The following DTNB variants were observed in gnomAD, a reference collection of about 807,000 sequenced individuals.
DTNB encodes the protein DTN-B.
A neutral mutation model predicts 90.7 loss-of-function variants in DTNB; 63 were observed. The observed-to-expected ratio is 0.69, with a 90% CI of 0.57 to 0.86. The LOEUF is 0.86. Ranked by LOEUF, DTNB falls within the 40% of genes least tolerant of loss-of-function variation. DTNB has a pLI of 0.00. For synonymous variants in DTNB, 277 were observed against 286.7 expected, an observed-to-expected ratio of 0.97 and a Z score of 0.34; for missense variants, 744 against 807.1, an observed-to-expected ratio of 0.92 and a Z score of 0.95.
At chr2:25,643,442 C>T (rs569229670) in intron 2 of DTNB, among the ~76,000 whole-genome samples, 3 of 152,280 alleles carry the variant, frequency 2.0e-5, no homozygotes, top group Admixed American at 1.3e-4. Flanking sequence ...AAAACTAGCA[C>T]CTGAAATAGT....
Position 25,668,509 on chromosome 2 carries a change from G to A in DTNB, c.-2+4877C>T, listed in dbSNP as rs141182881. 3.5e-3 allele frequency among the ~76,000 whole-genome samples: 536 copies of A among 152,272 alleles called. 3 individuals carry two copies. The highest frequency in any genetic ancestry group is 0.012 in the African/African-American group (509 of 41,552). On this transcript the variant is annotated intron_variant, in intron 1 of 20. Coordinates refer to ENST00000406818, the MANE Select transcript of DTNB (RefSeq NM_021907.5). ...CCATGTAAATGATACATGACATTAC[G>A]CACTTGTCAAAACCCATAGAACTAT... is the stretch of plus-strand genomic sequence containing the variant.
intron 5 of DTNB, among the ~76,000 whole-genome samples, chr2:25,596,805 C>CTA (rs1405564698): frequency 6.6e-6 from 1 of 152,172 alleles, no homozygotes; most frequent in Non-Finnish European, 1.5e-5. Context: ...AAAAGTAACT[C>CTA]ATCTAAAGTC....
intron 9 of DTNB, among the ~76,000 whole-genome samples, chr2:25,514,219 G>A (rs940466827): frequency 5.3e-5 from 8 of 152,140 alleles, no homozygotes; most frequent in Non-Finnish European, 8.8e-5. Flanking sequence ...GGAGAGATCT[G>A]AATAACATAA....
chr2:25,559,967 G>A (rs897817914), intron 8 of DTNB, among the ~76,000 whole-genome samples: 22 of 152,248 alleles, frequency 1.4e-4, no homozygotes, highest in African/African-American at 5.1e-4. Context: ...TCAAGGGGCC[G>A]GGCGTGGTGG....
chr2:25,570,406 C>CAAAAAAAAAAAAAAAAAAAAAA (rs146251976), intron 8 of DTNB, among the ~76,000 whole-genome samples: 2 of 89,912 alleles, frequency 2.2e-5, no homozygotes, highest in African/African-American at 5.1e-5. Flanking sequence ...TTTCCTGTCT[C>CAAAAAAAAAAAAAAAAAAAAAA]AAAAAAAAAA....
chr2:25,610,309 T>C (rs147707446), intron 4 of DTNB, among the ~76,000 whole-genome samples: 43 of 152,274 alleles, frequency 2.8e-4, no homozygotes, highest in African/African-American at 9.9e-4. Flanking sequence ...TTAGCTACAC[T>C]TCCTTTTATT....
intron 7 of DTNB, among the ~76,000 whole-genome samples, chr2:25,579,915 T>C (rs1248232635): frequency 6.6e-6 from 1 of 151,252 alleles, no homozygotes; most frequent in Non-Finnish European, 1.5e-5. Context: ...TCTGGAATCT[T>C]AGGGAGGAAA....
At chr2:25,625,418 T>C (rs1286633324) in intron 4 of DTNB, among the ~76,000 whole-genome samples, 1 of 152,180 alleles carries the variant, frequency 6.6e-6, no homozygotes, top group Non-Finnish European at 1.5e-5. Context: ...AGCTCTATTA[T>C]ATAAAGGTAT....
chr2:25,523,329 C>G (rs1439505943), intron 9 of DTNB, among the ~76,000 whole-genome samples: 1 of 152,184 alleles, frequency 6.6e-6, no homozygotes, highest in East Asian at 1.9e-4. Flanking sequence ...AATTAAGAAT[C>G]TTAGCAAGCG....
At chr2:25,394,304 T>C (rs1046220973) in intron 16 of DTNB, among the ~76,000 whole-genome samples, 4 of 152,090 alleles carry the variant, frequency 2.6e-5, no homozygotes, top group African/African-American at 9.7e-5. Flanking sequence ...GAAGATAACA[T>C]TGGAAAAACC....
Position 25,580,649 on chromosome 2 carries a change from A to G in DTNB, c.709+72T>C, listed in dbSNP as rs1572891316. 1.5e-5 allele frequency: 20 copies of G among 1,311,782 alleles called. No homozygotes were observed. In the East Asian group the frequency reaches 4.6e-4, roughly 30 times the overall value. The allele number at this position is 1,311,782 out of a possible 1,614,324, so 81.3% of individuals were successfully genotyped here. ...GTAATTTTCAATGATATTAATAGCT[A>G]AGGACATTGCAAATAATCAGTTCCT... is the stretch of plus-strand genomic sequence containing the variant. On this transcript the variant is annotated intron_variant, in intron 7 of 20. Coordinates refer to ENST00000406818, the MANE Select transcript of DTNB (RefSeq NM_021907.5).
At chr2:25,662,472 A>G (rs1431961002) in intron 1 of DTNB, among the ~76,000 whole-genome samples, 1 of 152,162 alleles carries the variant, frequency 6.6e-6, no homozygotes, top group Non-Finnish European at 1.5e-5. Flanking sequence ...ATGCATATTA[A>G]CAGAAGCAGG....
At chr2:25,672,743 C>T (rs2086344954) in intron 1 of DTNB, 1 of 152,194 alleles carries the variant, frequency 6.6e-6, no homozygotes, top group Non-Finnish European at 1.5e-5. Flanking sequence ...GTGTTCCATA[C>T]TATTTCGTGG....
intron 4 of DTNB, among the ~76,000 whole-genome samples, chr2:25,627,655 CAG>C (rs778953029): frequency 3.2e-4 from 49 of 151,956 alleles, no homozygotes; most frequent in Non-Finnish European, 5.6e-4. Context: ...CACAATATTC[CAG>C]AGTTTAATAT....
chr2:25,571,443 C>T (rs1389439245), intron 8 of DTNB, among the ~76,000 whole-genome samples: 1 of 152,126 alleles, frequency 6.6e-6, no homozygotes, highest in Non-Finnish European at 1.5e-5. Flanking sequence ...ATGTTTTCAC[C>T]TTGTCTCCTA....
At chr2:25,667,665 ATTGG>A (rs2084803205) in intron 1 of DTNB, among the ~76,000 whole-genome samples, 1 of 152,236 alleles carries the variant, frequency 6.6e-6, no homozygotes, top group African/African-American at 2.4e-5. Context: ...TTTAAAAATT[ATTGG>A]GAATGCAAAT....
chr2:25,608,952 C>A (rs530336120), intron 4 of DTNB, among the ~76,000 whole-genome samples: 6 of 152,142 alleles, frequency 3.9e-5, no homozygotes, highest in Admixed American at 2.0e-4. Flanking sequence ...GCAGTAGGGG[C>A]AGCTACATTC....
intron 14 of DTNB, 119 bp from the exon 15 acceptor site, chr2:25,427,750 AT>A (rs1349724395): frequency 2.3e-6 from 2 of 888,716 alleles, no homozygotes; most frequent in African/African-American, 3.4e-5. Context: ...TGAGCAAGTC[AT>A]TTAGCATCCA....
intron 16 of DTNB, among the ~76,000 whole-genome samples, chr2:25,407,556 C>T (rs1484721485): frequency 6.6e-6 from 1 of 152,058 alleles, no homozygotes; most frequent in Non-Finnish European, 1.5e-5. Flanking sequence ...ATAAAGAAAA[C>T]GTGGTAGTAT....
Sources: gnomAD v4.1 joint callset for allele counts (sites outside exome capture counted in the v4.1 genomes callset) on GRCh38, gnomAD v4.1.1 for gene constraint, MANE v1.5 for transcripts, NCBI Gene and HGNC (gene_info 2026-07-23, HGNC 2026-07-21) for gene names.